The following MRPS9 variants were observed in gnomAD, a reference collection of about 807,000 sequenced individuals.
MRPS9 encodes the protein small ribosomal subunit protein uS9m.
A neutral mutation model predicts 59.9 loss-of-function variants in MRPS9; 45 were observed. That is an observed-to-expected ratio of 0.75 (90% CI 0.59 to 0.96). The LOEUF is 0.96. Ranked by LOEUF, MRPS9 falls within the 40% of genes least tolerant of loss-of-function variation. The probability of loss-of-function intolerance (pLI) is 0.00; values close to 1 mark genes in which losing one functional copy is unlikely to be tolerated. For missense variants in MRPS9, 473 were observed against 481.1 expected (o/e 0.98, Z 0.16); for synonymous variants, 171 against 166.8 (o/e 1.03, Z -0.19).
rs752945200 is a variant in MRPS9 at position 105,092,455 on chromosome 2, G to C, written c.706G>C (p.Ala236Pro). 6.2e-7 allele frequency: 1 copy of C among 1,613,910 alleles called. No homozygotes were observed. The highest frequency in any genetic ancestry group is 1.1e-5 in the South Asian group (1 of 91,028). ...GTTATTGACATCGCAGTGTGGTGCT[G>C]CTGAGGAAGAATTTGTGCAGAGGTT... Reference protein sequence around the residue: ...EKLLTSQCGAAEEEFVQRFRR... With the variant: ...EKLLTSQCGAPEEEFVQRFRR... Residue 236 changes from alanine (A) to proline (P), a missense_variant, in exon 8 of 11, where the codon GCT becomes CCT. Coordinates refer to ENST00000258455, the MANE Select transcript of MRPS9 (RefSeq NM_182640.3).
At chr2:105,085,424 G>A (rs1680428137) in intron 5 of MRPS9, among the ~76,000 whole-genome samples, 1 of 152,076 alleles carries the variant, frequency 6.6e-6, no homozygotes, top group South Asian at 2.1e-4. Context: ...TACTATTTAT[G>A]TTGTGTACCA....
At chr2:105,045,037 T>C (rs913181790) in intron 1 of MRPS9, among the ~76,000 whole-genome samples, 95 of 152,094 alleles carry the variant, frequency 6.2e-4, no homozygotes, top group African/African-American at 2.2e-3. Flanking sequence ...GAATTGACAC[T>C]GTAGAAAGAG....
At chr2:105,067,638 G>A (rs998762461) in intron 2 of MRPS9, among the ~76,000 whole-genome samples, 1 of 152,146 alleles carries the variant, frequency 6.6e-6, no homozygotes, top group Non-Finnish European at 1.5e-5. Flanking sequence ...GGTTAATTTG[G>A]AAGTTGTAAA....
chr2:105,089,102 A>C (rs376992061), intron 6 of MRPS9, 33 bp downstream of exon 6: 4 of 1,528,382 alleles, frequency 2.6e-6, no homozygotes, highest in Admixed American at 3.6e-5. Flanking sequence ...AATATAAGTA[A>C]AATTTGAACT....
At chr2:105,068,961 C>T (rs535633464) in intron 2 of MRPS9, among the ~76,000 whole-genome samples, 1 of 152,258 alleles carries the variant, frequency 6.6e-6, no homozygotes, top group East Asian at 1.9e-4. Context: ...TTCATTGAGT[C>T]AGATTGCTAG....
intron 1 of MRPS9, among the ~76,000 whole-genome samples, chr2:105,039,238 A>C (rs1341804819): frequency 6.6e-6 from 1 of 152,098 alleles, no homozygotes; most frequent in East Asian, 1.9e-4. Context: ...TTAAAAAAAA[A>C]AACATCTTTT....
At chr2:105,080,947 A>G (rs2104460987) in intron 5 of MRPS9, among the ~76,000 whole-genome samples, 1 of 150,980 alleles carries the variant, frequency 6.6e-6, no homozygotes, top group South Asian at 2.1e-4. Flanking sequence ...CTTTTTGTTG[A>G]CCTTGGGCAA....
At chr2:105,040,787 A>G (rs1398605173) in intron 1 of MRPS9, among the ~76,000 whole-genome samples, 1 of 152,190 alleles carries the variant, frequency 6.6e-6, no homozygotes. Flanking sequence ...TACAGAGGTA[A>G]ATACAGAAGA....
At chr2:105,072,665 G>A (rs564674125) in intron 4 of MRPS9, among the ~76,000 whole-genome samples, 11 of 152,220 alleles carry the variant, frequency 7.2e-5, no homozygotes, top group Admixed American at 2.0e-4. Context: ...TACGCAGGCC[G>A]CTTTATCAGT....
intron 2 of MRPS9, among the ~76,000 whole-genome samples, chr2:105,058,341 G>A (rs2104446347): frequency 6.6e-6 from 1 of 152,314 alleles, no homozygotes; most frequent in East Asian, 1.9e-4. Flanking sequence ...GTTAACAGCT[G>A]CAAACCCACT....
chr2:105,076,513 A>C (rs2104457641), intron 4 of MRPS9, among the ~76,000 whole-genome samples: 1 of 152,368 alleles, frequency 6.6e-6, no homozygotes, highest in Non-Finnish European at 1.5e-5. Flanking sequence ...ACGTATATAC[A>C]TACATGTACC....
intron 2 of MRPS9, among the ~76,000 whole-genome samples, chr2:105,056,002 T>A (rs1679785329): frequency 2.0e-5 from 3 of 152,220 alleles, no homozygotes; most frequent in Non-Finnish European, 2.9e-5. Context: ...TTATTTAGTT[T>A]GATCAGGAAG....
chr2:105,065,951 G>GA (rs1312312342), intron 2 of MRPS9, among the ~76,000 whole-genome samples: 1 of 98,598 alleles, frequency 1.0e-5, no homozygotes, highest in Non-Finnish European at 2.5e-5. Context: ...TAAAAGAAAA[G>GA]AAAAAGAAAG....
At chr2:105,084,888 A>T (rs1287062511) in intron 5 of MRPS9, among the ~76,000 whole-genome samples, 1 of 152,110 alleles carries the variant, frequency 6.6e-6, no homozygotes, top group Non-Finnish European at 1.5e-5. Context: ...AAGAAAATTA[A>T]TTTTTTAGAA....
At chr2:105,080,778 C>T (rs949051805) in intron 5 of MRPS9, among the ~76,000 whole-genome samples, 2 of 152,172 alleles carry the variant, frequency 1.3e-5, no homozygotes, top group African/African-American at 4.8e-5. Context: ...CTTCCCCCAT[C>T]TACAGTCAGA....
chr2:105,093,700 C>A, intron 9 of MRPS9, 62 bp downstream of exon 9: 2 of 753,856 alleles, frequency 2.7e-6, no homozygotes, highest in South Asian at 2.2e-5. Context: ...ACATCATGAT[C>A]ATTTAAGAAG....
intron 2 of MRPS9, among the ~76,000 whole-genome samples, chr2:105,070,473 C>T (rs1680092750): frequency 1.3e-5 from 2 of 152,144 alleles, no homozygotes; most frequent in Admixed American, 1.3e-4. Flanking sequence ...AGAACAGGCT[C>T]TCTAAATGAG....
chr2:105,061,799 C>T (rs1429764562), intron 2 of MRPS9, among the ~76,000 whole-genome samples: 1 of 152,082 alleles, frequency 6.6e-6, no homozygotes, highest in African/African-American at 2.4e-5. Flanking sequence ...GACATTATTC[C>T]TTCAGGTGGA....
intron 2 of MRPS9, among the ~76,000 whole-genome samples, chr2:105,061,037 G>A (rs1345330858): frequency 6.7e-6 from 1 of 149,080 alleles, no homozygotes; most frequent in African/African-American, 2.5e-5. Flanking sequence ...GTGAACCCGG[G>A]AGGTGGAACT....
Sources: gnomAD v4.1 joint callset for allele counts (sites outside exome capture counted in the v4.1 genomes callset) on GRCh38, gnomAD v4.1.1 for gene constraint, MANE v1.5 for transcripts, NCBI Gene and HGNC (gene_info 2026-07-23, HGNC 2026-07-21) for gene names.